Variants in GLIS1 observed in about 807,000 individuals in gnomAD.
GLIS1 encodes the protein zinc finger protein GLIS1.
A neutral mutation model predicts 63.8 loss-of-function variants in GLIS1; 24 were observed. The ratio of observed to expected loss-of-function variants is 0.38; its 90% CI spans 0.27 to 0.53. The LOEUF (loss-of-function observed/expected upper bound fraction) is 0.53. Ranked by LOEUF, GLIS1 falls within the 20% of genes least tolerant of loss-of-function variation. GLIS1 has a pLI of 0.85. For missense variants in GLIS1, 1,036 were observed against 1,074.1 expected, an observed-to-expected ratio of 0.96 and a Z score of 0.50; for synonymous variants, 450 against 482.5, an observed-to-expected ratio of 0.93 and a Z score of 0.88.
At chr1:53,566,776 T>C (rs567962059) in intron 4 of GLIS1, among the ~76,000 whole-genome samples, 2 of 152,352 alleles carry the variant, frequency 1.3e-5, no homozygotes, top group Admixed American at 6.5e-5. Flanking sequence ...TAAGACATGC[T>C]TGCTTCCCCT....
chr1:53,715,982 T>G (rs1646694462), intron 2 of GLIS1, among the ~76,000 whole-genome samples: 1 of 151,928 alleles, frequency 6.6e-6, no homozygotes, highest in Non-Finnish European at 1.5e-5. Flanking sequence ...CCAATAGGAG[T>G]GACCCCTGGA....
rs143850901 is a variant in GLIS1, at chr1:53,520,749, G to A, written c.1611C>T (p.Asp537=). The A allele has an allele frequency of 8.3e-4, 1,339 of 1,607,066 alleles. 8 individuals are homozygous for A. Among genetic ancestry groups the A allele is most frequent in the Middle Eastern group, 5.0e-3 (30 of 6,034 alleles). The part of the protein sequence containing the change: ...QVRKKLHAGP[D]TEADVLTECL... ...ACTCGGTCAGGACGTCGGCCTCGGT[G>A]TCAGGGCCCGCATGCAGCTGGGGAG... Residue 537 remains aspartate, a synonymous_variant, in exon 7 of 11, where the codon GAC becomes GAT. Transcript: ENST00000628545.
At position 53,639,641 on chromosome 1, in the gene GLIS1, G is replaced by T. The variant is rs1645764453; in HGVS notation, c.260-39363C>A. ...CTTTCCTGTCTTACCTCGGAGACAG[G>T]GTGGGGCTTTTTTTTTCCAGCCCGC... On this transcript the variant is annotated intron_variant, in intron 2 of 10. Coordinates refer to ENST00000628545, the MANE Select transcript of GLIS1 (RefSeq NM_001367484.1). This position sits in a 1 kb window ranked among gnomAD's most constrained non-coding sequence, Gnocchi z 4.6. Among the ~76,000 whole-genome samples the T allele has an allele frequency of 6.6e-6, 1 of 152,106 alleles. No homozygotes were observed. Among genetic ancestry groups the T allele is most frequent in the African/African-American group, 2.4e-5 (1 of 41,396 alleles).
chr1:53,619,675 T>A (rs1002198372), intron 2 of GLIS1, among the ~76,000 whole-genome samples: 1 of 152,228 alleles, frequency 6.6e-6, no homozygotes, highest in African/African-American at 2.4e-5. Context: ...GCTCCAGTGA[T>A]CACCCTATAC....
chr1:53,668,539 T>C (rs1320938730), intron 2 of GLIS1, among the ~76,000 whole-genome samples: 1 of 151,960 alleles, frequency 6.6e-6, no homozygotes, highest in Non-Finnish European at 1.5e-5. Context: ...TTTTTGTATA[T>C]TTAGTAGAGA....
intron 2 of GLIS1, among the ~76,000 whole-genome samples, chr1:53,708,887 C>G (rs1646608993): frequency 6.6e-6 from 1 of 152,158 alleles, no homozygotes; most frequent in Non-Finnish European, 1.5e-5. Flanking sequence ...CCTTGGGGAG[C>G]CTGCCCGTAC....
At chr1:53,541,651 C>T (rs762983621) in intron 4 of GLIS1, among the ~76,000 whole-genome samples, 12 of 152,250 alleles carry the variant, frequency 7.9e-5, no homozygotes, top group Non-Finnish European at 1.8e-4. Context: ...CAGTCACACA[C>T]ACACAAACCA....
At chr1:53,693,547 GC>G (rs1646430814) in intron 2 of GLIS1, among the ~76,000 whole-genome samples, 1 of 152,174 alleles carries the variant, frequency 6.6e-6, no homozygotes, top group Admixed American at 6.5e-5. Flanking sequence ...AGCCAGAGCT[GC>G]CCCCACAGCC....
chr1:53,556,472 TGTGCGTGCAG>T (rs1644829063), intron 4 of GLIS1, among the ~76,000 whole-genome samples: 1 of 138,060 alleles, frequency 7.2e-6, no homozygotes, highest in Non-Finnish European at 1.5e-5. Context: ...ACTGCAGGTG[TGTGCGTGCAG>T]GTGTACTGCA....
At chr1:53,554,808 A>T (rs534991909) in intron 4 of GLIS1, among the ~76,000 whole-genome samples, 1 of 152,316 alleles carries the variant, frequency 6.6e-6, no homozygotes, top group South Asian at 2.1e-4. Context: ...GGCTCAGAAC[A>T]GCTGCCCTGC....
chr1:53,668,876 C>T (rs996411417), intron 2 of GLIS1, among the ~76,000 whole-genome samples: 4 of 152,158 alleles, frequency 2.6e-5, no homozygotes, highest in African/African-American at 9.7e-5. Flanking sequence ...CAATGCATGA[C>T]TCTGTATGGT....
At chr1:53,717,518 C>T (rs4927031) in intron 2 of GLIS1, among the ~76,000 whole-genome samples, 38,793 of 152,018 alleles carry the variant, frequency 0.26, 5,240 homozygotes, top group African/African-American at 0.35. Flanking sequence ...CATCTGAACA[C>T]ACTTCTTCTA....
chr1:53,526,864 T>A lies in GLIS1; in HGVS notation c.1483-1977A>T, dbSNP rs1557432679. Among the ~76,000 whole-genome samples, 1 of 152,256 alleles carries A rather than the reference T, an allele frequency of 6.6e-6. No homozygotes were observed. The highest frequency in any genetic ancestry group is 1.5e-5 in the Non-Finnish European group (1 of 68,040). On this transcript the variant is annotated intron_variant, in intron 5 of 10. Transcript: ENST00000628545. The surrounding 1 kb of genome is among the most constrained non-coding windows in gnomAD (Gnocchi z 4.4). ...CCCCGTGAGCCTGTGGGAAACCCTG[T>A]GGCCGTCCCCAGCCAGCAGCCAAGC...
At chr1:53,707,823 G>A (rs1225237136) in intron 2 of GLIS1, among the ~76,000 whole-genome samples, 1 of 151,934 alleles carries the variant, frequency 6.6e-6, no homozygotes, top group African/African-American at 2.4e-5. Flanking sequence ...AAAGTGCTGG[G>A]ATTACAGGCG....
chr1:53,683,812 T>A (rs1646301789), intron 2 of GLIS1, among the ~76,000 whole-genome samples: 1 of 152,106 alleles, frequency 6.6e-6, no homozygotes, highest in South Asian at 2.1e-4. Context: ...GGTCACTTGC[T>A]GGGGATGCTG....
chr1:53,507,442 C>T (rs1433972153), intron 10 of GLIS1, among the ~76,000 whole-genome samples: 1 of 152,102 alleles, frequency 6.6e-6, no homozygotes, highest in Non-Finnish European at 1.5e-5. Context: ...ATGCTGTCTC[C>T]AGGGTGGGGC....
At chr1:53,693,397 C>T (rs1204950882) in intron 2 of GLIS1, among the ~76,000 whole-genome samples, 23 of 152,226 alleles carry the variant, frequency 1.5e-4, no homozygotes, top group Admixed American at 1.3e-3. Flanking sequence ...CTTCTGGACA[C>T]CCAGCCCTCG....
chr1:53,715,070 C>A (rs1295322579), intron 2 of GLIS1, among the ~76,000 whole-genome samples: 5 of 152,180 alleles, frequency 3.3e-5, no homozygotes, highest in Non-Finnish European at 7.3e-5. Flanking sequence ...GTGCATGCCA[C>A]CAGGTTCACT....
At position 53,737,855 on chromosome 1, in the gene GLIS1, G is replaced by A; in HGVS notation, c.210C>T (p.Pro70=). 1.6e-6 allele frequency: 2 copies of A among 1,231,158 alleles called. No homozygotes were observed. The highest frequency in any genetic ancestry group is 2.0e-6 in the Non-Finnish European group (2 of 987,550). 76.3% of individuals were successfully genotyped at this position (1,231,158 alleles called of 1,614,324 possible). ...ATGGACCGTAGTCTCGGGGACTGCG[G>A]GGCCGGAGGAGGTCGTGGGCGCGCG... The part of the protein sequence containing the change: ...PPPRAHDLLR[P]RSPRDYGPSK... Residue 70 remains proline, a synonymous_variant, in exon 2 of 11, where the codon CCC becomes CCT. Coordinates refer to ENST00000628545, the MANE Select transcript of GLIS1 (RefSeq NM_001367484.1).
Sources: gnomAD v4.1 joint callset for allele counts (sites outside exome capture counted in the v4.1 genomes callset) on GRCh38, gnomAD v4.1.1 for gene constraint, Gnocchi (gnomAD v3.1) non-coding constraint, MANE v1.5 for transcripts, NCBI Gene and HGNC (gene_info 2026-07-23, HGNC 2026-07-21) for gene names.